HTRA4: variants seen among roughly 807,000 people sequenced by gnomAD.
HTRA4 encodes the protein HtrA serine peptidase 4.
Under a neutral mutation model 49.1 loss-of-function variants are expected in HTRA4, and 46 were observed. The ratio of observed to expected loss-of-function variants is 0.94; its 90% CI spans 0.74 to 1.20. HTRA4 has a LOEUF of 1.20. HTRA4 is among the 50% of genes most tolerant of loss of function. HTRA4 has a pLI of 0.00. For missense variants in HTRA4, 602 were observed against 636.9 expected (o/e 0.95, Z 0.59); for synonymous variants, 261 against 264.0 (o/e 0.99, Z 0.11).
At chr8:38,980,613 C>T (rs1835406579) in intron 5 of HTRA4, among the ~76,000 whole-genome samples, 1 of 151,936 alleles carries the variant, frequency 6.6e-6, no homozygotes, top group African/African-American at 2.4e-5. Context: ...TGGCATGCGC[C>T]TGTAATCCCA....
intron 5 of HTRA4, 134 bp from the exon 6 acceptor site, chr8:38,981,519 T>G: frequency 3.1e-6 from 2 of 636,800 alleles, no homozygotes; most frequent in Non-Finnish European, 5.7e-6. Flanking sequence ...TGCTCTCTTT[T>G]GAAGTACAAA....
chr8:38,979,840 G>A (rs1298237480), intron 5 of HTRA4, among the ~76,000 whole-genome samples: 7 of 152,132 alleles, frequency 4.6e-5, no homozygotes, highest in Non-Finnish European at 1.0e-4. Flanking sequence ...ATTAAACCCA[G>A]GTTTATGCCA....
At chr8:38,987,091 G>A (rs1001728507) in intron 8 of HTRA4, among the ~76,000 whole-genome samples, 11 of 136,290 alleles carry the variant, frequency 8.1e-5, no homozygotes, top group Non-Finnish European at 1.2e-4. Flanking sequence ...ATCCTCTTGC[G>A]TTAAGCTTCT....
chr8:38,984,513 A>AATCCC (rs1835461398), intron 8 of HTRA4, among the ~76,000 whole-genome samples: 1 of 151,776 alleles, frequency 6.6e-6, no homozygotes, highest in Admixed American at 6.6e-5. Flanking sequence ...TTGGGAGGCC[A>AATCCC]AAGTGGGCAG....
intron 3 of HTRA4, 150 bp downstream of exon 3, chr8:38,976,889 T>C: frequency 1.3e-6 from 1 of 765,470 alleles, no homozygotes; most frequent in Non-Finnish European, 2.1e-6. Context: ...ACTCCCTCTT[T>C]TATTTATTTG....
chr8:38,977,461 C>T (rs1291990229), intron 3 of HTRA4, among the ~76,000 whole-genome samples: 5 of 152,128 alleles, frequency 3.3e-5, no homozygotes, highest in African/African-American at 1.2e-4. Flanking sequence ...TTTAGAAGTT[C>T]AGAGTCTCAG....
At chr8:38,977,360 T>C (rs1458234088) in intron 3 of HTRA4, among the ~76,000 whole-genome samples, 1 of 151,672 alleles carries the variant, frequency 6.6e-6, no homozygotes, top group Non-Finnish European at 1.5e-5. Context: ...TGCGATGGAC[T>C]CAAAGTTGCT....
rs145785529 is a variant in HTRA4, at chr8:38,978,918, C to T, written c.967-297C>T. Among the ~76,000 whole-genome samples, 659 of 146,708 alleles carry T rather than the reference C, an allele frequency of 4.5e-3. 1 individual carries two copies. Among genetic ancestry groups the T allele is most frequent in the African/African-American group, 0.016 (615 of 39,550 alleles). On this transcript the variant is annotated intron_variant, in intron 4 of 8. Coordinates refer to ENST00000302495, the MANE Select transcript of HTRA4 (RefSeq NM_153692.4). ...GCTGAGGCAGGAGAATCACTTGAACCGGGAGGCAGAGGTTGCAGTGAGTCG... is the reference window on the plus strand; with the variant it reads ...GCTGAGGCAGGAGAATCACTTGAACTGGGAGGCAGAGGTTGCAGTGAGTCG...
In HTRA4 at chr8:38,974,425, C is replaced by A. The variant is rs765923073; in HGVS notation, c.162C>A (p.Thr54=). 86 of 1,550,472 alleles carry A rather than the reference C, an allele frequency of 5.5e-5. 1 individual carries two copies. Among genetic ancestry groups the A allele is most frequent in the Middle Eastern group, 4.2e-4 (2 of 4,766 alleles). Residue 54 remains threonine (T), a synonymous_variant, in exon 1 of 9, where the codon ACC becomes ACA. Coordinates refer to ENST00000302495, the MANE Select transcript of HTRA4 (RefSeq NM_153692.4). ...CQPTRCPALP[T]CALGTTPVFD... ...CCACGCGCTGCCCCGCGCTGCCCAC[C>A]TGCGCGCTGGGGACCACGCCGGTGT...
At chr8:38,979,701 G>C (rs1302812891) in intron 5 of HTRA4, among the ~76,000 whole-genome samples, 1 of 152,050 alleles carries the variant, frequency 6.6e-6, no homozygotes, top group Non-Finnish European at 1.5e-5. Flanking sequence ...TTATTTAATA[G>C]AGACGATGTC....
chr8:38,981,803 G>A (rs761152962), intron 6 of HTRA4, 36 bp downstream of exon 6: 21 of 1,412,238 alleles, frequency 1.5e-5, no homozygotes, highest in East Asian at 4.6e-5. Flanking sequence ...TTTTGGTTTC[G>A]TCTTGTGCTT....
Position 38,978,143 on chromosome 8 carries a change from T to C in HTRA4, c.962T>C (p.Ile321Thr). 6.2e-7 allele frequency: 1 copy of C among 1,612,498 alleles called. No homozygotes were observed. The highest frequency in any genetic ancestry group is 8.5e-7 in the Non-Finnish European group (1 of 1,179,046). ...GACTACGTCCAGATTGATGCCACAATTAATGTAAGTCACTTAGGACAGAGG... is the reference window on the plus strand; with the variant it reads ...GACTACGTCCAGATTGATGCCACAACTAATGTAAGTCACTTAGGACAGAGG... ...DMDYVQIDAT[I>T]NYGNSGGPLV... The change falls in exon 4 of 9, where the codon ATT becomes ACT. Residue 321 changes from isoleucine to threonine, a missense_variant. Transcript: ENST00000302495.
chr8:38,987,277 T>A (rs1835493040), intron 8 of HTRA4, among the ~76,000 whole-genome samples: 1 of 152,202 alleles, frequency 6.6e-6, no homozygotes, highest in African/African-American at 2.4e-5. Flanking sequence ...TTGGAGCTGG[T>A]TTTTGCTTCT....
chr8:38,982,667 C>A, intron 7 of HTRA4, 112 bp downstream of exon 7: 1 of 933,800 alleles, frequency 1.1e-6, no homozygotes, highest in Admixed American at 1.9e-5. Flanking sequence ...ACTCTTGTGA[C>A]CATAGGCCCT....
rs1283633747 is a variant in HTRA4, at chr8:38,975,068, CTT to C, written c.505_506del (p.Phe169HisfsTer40). 1 of 1,614,068 alleles carries C rather than the reference CTT, an allele frequency of 6.2e-7. No individual in the cohort carries two copies. Among genetic ancestry groups the C allele is most frequent in the Admixed American group, 1.7e-5 (1 of 60,016 alleles). On this transcript the variant is annotated frameshift_variant, in exon 2 of 9. Coordinates refer to ENST00000302495, the MANE Select transcript of HTRA4 (RefSeq NM_153692.4). LOFTEE classifies it high-confidence loss of function. ...SAGPLRRNYNFIAAVVEKVAP... is the reference protein window; with the variant it reads ...SAGPLRRNYNXIAAVVEKVAP... ...CAGGCCCGCTCAGGAGGAATTACAA[CTT>C]CATCGCCGCGGTGGTGGAGAAGGTG...
At chr8:38,979,308 T>G in intron 5 of HTRA4, 61 bp downstream of exon 5, 1 of 1,494,922 alleles carries the variant, frequency 6.7e-7, no homozygotes, top group Non-Finnish European at 9.3e-7. Context: ...ACTTTATTAA[T>G]TCCAGGCCAG....
chr8:38,980,248 T>A (rs1835401654), intron 5 of HTRA4, among the ~76,000 whole-genome samples: 1 of 152,172 alleles, frequency 6.6e-6, no homozygotes, highest in Non-Finnish European at 1.5e-5. Context: ...CATTTGCTTT[T>A]AGAATGAATT....
intron 2 of HTRA4, 59 bp downstream of exon 2, chr8:38,975,189 T>A: frequency 1.3e-6 from 2 of 1,517,850 alleles, no homozygotes; most frequent in Non-Finnish European, 1.8e-6. Context: ...CGTGCCTACC[T>A]GCTCCAGACC....
rs61746190 is a variant in HTRA4, at chr8:38,978,131, T to A, written c.950T>A (p.Ile317Asn). The change falls in exon 4 of 9, where the codon ATT (isoleucine) becomes AAT (asparagine). Residue 317 changes from isoleucine (I) to asparagine (N), a missense_variant. Coordinates refer to ENST00000302495, the MANE Select transcript of HTRA4 (RefSeq NM_153692.4). The stretch of plus-strand genomic sequence containing the variant: ...GATTCAGATATGGACTACGTCCAGA[T>A]TGATGCCACAATTAATGTAAGTCAC... ...MKDSDMDYVQ[I>N]DATINYGNSG... The A allele has an allele frequency of 6.8e-4, 1,090 of 1,613,530 alleles. 7 individuals are homozygous for A. Among genetic ancestry groups the A allele is most frequent in the East Asian group, 2.7e-3 (120 of 44,874 alleles).
Sources: allele counts gnomAD v4.1 joint callset (sites outside exome capture counted in the v4.1 genomes callset), GRCh38; gene constraint gnomAD v4.1.1; transcripts MANE v1.5; gene names NCBI Gene and HGNC (gene_info 2026-07-23, HGNC 2026-07-21).